The following IKBKB variants were observed in gnomAD, a reference collection of about 807,000 sequenced individuals.
The protein encoded by IKBKB is inhibitor of nuclear factor kappa B kinase subunit beta, also known as inhibitor of nuclear factor kappa-B kinase subunit beta.
In IKBKB, 42 loss-of-function variants were observed where a neutral mutation model predicts 113.6. That is an observed-to-expected ratio of 0.37 (90% confidence interval 0.29 to 0.48). The LOEUF (loss-of-function observed/expected upper bound fraction) is 0.48, where lower values mean the gene tolerates loss of function less well. Among genes scored for constraint, IKBKB ranks in the 20% least tolerant of loss-of-function variants. The pLI is 0.99. For missense variants in IKBKB, 673 were observed against 939.7 expected, an observed-to-expected ratio of 0.72 and a Z score of 3.71; for synonymous variants, 296 against 361.3, an observed-to-expected ratio of 0.82 and a Z score of 2.05.
chr8:42,291,652 G>C (rs988017073), intron 4 of IKBKB, among the ~76,000 whole-genome samples: 5 of 149,206 alleles, frequency 3.4e-5, no homozygotes, highest in Non-Finnish European at 5.9e-5. Context: ...AGGCCCTTGT[G>C]CCTCTTAAAA....
rs35638161 is a variant in IKBKB, at chr8:42,283,299, T to TC, written c.106-5328dup. ...GTTTCATTTATGATAGGTAGAATAA[T>TC]CCCCCCCAACCCCACCAAGAAATCT... On this transcript the variant is annotated intron_variant, in intron 2 of 21. Transcript: ENST00000520810. Among the ~76,000 whole-genome samples, 6 of 151,914 alleles carry TC rather than the reference T, an allele frequency of 3.9e-5. 1 individual carries two copies. The South Asian group carries it at 1.2e-3, about 32-fold the overall frequency.
At chr8:42,277,158 C>T (rs925464118) in intron 2 of IKBKB, among the ~76,000 whole-genome samples, 23 of 148,300 alleles carry the variant, frequency 1.6e-4, no homozygotes, top group African/African-American at 5.2e-4. Flanking sequence ...CGTGAGCCAC[C>T]GCACCCGGCC....
Position 42,293,462 on chromosome 8 carries a change from A to G in IKBKB, c.338A>G (p.Asn113Ser). ...TGACAGTACCTGAACCAGTTTGAGA[A>G]CTGCTGTGGTCTGCGGGAAGGTGCC... ...DLRKYLNQFE[N>S]CCGLREGAIL... The change falls in exon 5 of 22, where the codon AAC (asparagine) becomes AGC (serine). Residue 113 changes from asparagine (N) to serine (S), a missense_variant. By Grantham distance (46) the Asn-to-Ser change is conservative. Around this residue, in one of 2 missense-constraint regions of IKBKB, gnomAD observed 167 missense variants for 301.0 expected, o/e 0.55. Transcript: ENST00000520810. 1 of 1,614,138 alleles carries G rather than the reference A, an allele frequency of 6.2e-7. No individual in the cohort carries two copies. Among genetic ancestry groups the G allele is most frequent in the Non-Finnish European group, 8.5e-7 (1 of 1,180,024 alleles).
rs1408127519 is a variant in IKBKB, at chr8:42,316,181, C to CT, written c.801-28dup. 6.2e-7 allele frequency: 1 copy of CT among 1,610,648 alleles called. No individual in the cohort carries two copies. Among genetic ancestry groups the CT allele is most frequent in the South Asian group, 1.1e-5 (1 of 90,788 alleles). On this transcript the variant is annotated intron_variant, in intron 9 of 21. Transcript: ENST00000520810. This position sits in a 1 kb window ranked among gnomAD's most constrained non-coding sequence, Gnocchi z 4.5. ...GTAGCCCAACATTGGCTGGAAGTGT[C>CT]TCCTCACACACTATGCTCCTCTCCA... is the stretch of plus-strand genomic sequence containing the variant.
intron 2 of IKBKB, among the ~76,000 whole-genome samples, chr8:42,285,373 C>T (rs1438106530): frequency 6.9e-6 from 1 of 145,444 alleles, no homozygotes; most frequent in Non-Finnish European, 1.5e-5. Flanking sequence ...TAGTGAGACT[C>T]CGTCTCTACA....
intron 9 of IKBKB, among the ~76,000 whole-genome samples, chr8:42,315,635 C>G (rs768929768): frequency 6.6e-6 from 1 of 151,884 alleles, no homozygotes; most frequent in African/African-American, 2.4e-5. Context: ...TTTTTAAAAC[C>G]TCATGGGTTA....
chr8:42,293,223 G>A (rs551740439), intron 4 of IKBKB, among the ~76,000 whole-genome samples: 18 of 152,284 alleles, frequency 1.2e-4, no homozygotes, highest in African/African-American at 4.1e-4. Flanking sequence ...GTGAGGATGT[G>A]AGAGCCCTGG....
chr8:42,324,470 G>A (rs1287130091), intron 19 of IKBKB, among the ~76,000 whole-genome samples: 2 of 152,090 alleles, frequency 1.3e-5, no homozygotes, highest in South Asian at 4.2e-4. Context: ...TCACCATGTT[G>A]GCCAGGCTGG....
intron 2 of IKBKB, among the ~76,000 whole-genome samples, chr8:42,284,514 G>A (rs1245858111): frequency 2.6e-5 from 4 of 151,686 alleles, no homozygotes; most frequent in African/African-American, 4.8e-5. Flanking sequence ...CCCGGGAGGC[G>A]GAGCTTGCAG....
chr8:42,281,331 C>T (rs542031786), intron 2 of IKBKB, among the ~76,000 whole-genome samples: 45 of 152,282 alleles, frequency 3.0e-4, no homozygotes, highest in African/African-American at 1.0e-3. Flanking sequence ...TCCCTGTGGT[C>T]GGATGCTGTG....
Position 42,316,253 on chromosome 8 carries a change from A to G in IKBKB, c.844A>G (p.Met282Val). ...GGAGAAGTGGCTGCAACTGATGCTGATGTGGCACCCCCGACAGAGGGGCAC... is the reference window on the plus strand; with the variant it reads ...GGAGAAGTGGCTGCAACTGATGCTGGTGTGGCACCCCCGACAGAGGGGCAC... ...RLEKWLQLMLMWHPRQRGTDP... is the reference protein window; with the variant it reads ...RLEKWLQLMLVWHPRQRGTDP... Residue 282 changes from methionine to valine, a missense_variant, in exon 10 of 22, where the codon ATG becomes GTG. This residue lies in a region of IKBKB where 506 missense variants were observed against 638.7 expected (regional missense o/e 0.79). Coordinates refer to ENST00000520810, the MANE Select transcript of IKBKB (RefSeq NM_001556.3). The surrounding 1 kb of genome is among the most constrained non-coding windows in gnomAD (Gnocchi z 4.5). 6.2e-7 allele frequency: 1 copy of G among 1,614,128 alleles called. No individual in the cohort carries two copies. Among genetic ancestry groups the G allele is most frequent in the Middle Eastern group, 1.7e-4 (1 of 6,060 alleles).
Position 42,320,817 on chromosome 8 carries a change from G to T in IKBKB, c.1661G>T (p.Arg554Leu), listed in dbSNP as rs751295594. The T allele has an allele frequency of 6.2e-7, 1 of 1,602,414 alleles. No homozygotes were observed. The highest frequency in any genetic ancestry group is 8.5e-7 in the Non-Finnish European group (1 of 1,174,254). Residue 554 changes from arginine (R) to leucine (L), a missense_variant, in exon 16 of 22, where the codon CGG becomes CTG. Coordinates refer to ENST00000520810, the MANE Select transcript of IKBKB (RefSeq NM_001556.3). ...GACTTACAGAGGAGCCCCATGGGCC[G>T]GAAGCAGGGGGGAACGCTGGACGAC... ...IVDLQRSPMG[R>L]KQGGTLDDLE...
At chr8:42,295,418 C>CA (rs1312669845) in intron 5 of IKBKB, among the ~76,000 whole-genome samples, 1 of 152,174 alleles carries the variant, frequency 6.6e-6, no homozygotes, top group East Asian at 1.9e-4. Flanking sequence ...AGCACCTGGC[C>CA]AAAAGTCTTT....
chr8:42,314,223 T>A, intron 8 of IKBKB, 99 bp from the exon 9 acceptor site: 1 of 850,674 alleles, frequency 1.2e-6, no homozygotes, highest in Non-Finnish European at 2.0e-6. Flanking sequence ...GTTTGTGTTA[T>A]GTTCACACAA....
intron 21 of IKBKB, chr8:42,330,128 C>T: frequency 1.0e-6 from 1 of 985,344 alleles, no homozygotes; most frequent in Non-Finnish European, 1.2e-6. Flanking sequence ...GCTGGAAATC[C>T]ATAACTGAGA....
chr8:42,272,846 A>G (rs1179641809), intron 2 of IKBKB, among the ~76,000 whole-genome samples: 2 of 149,274 alleles, frequency 1.3e-5, no homozygotes, highest in South Asian at 2.2e-4. Context: ...AGGCTGAGGC[A>G]GGAGAATCGC....
At chr8:42,313,540 A>G (rs1818123489) in intron 8 of IKBKB, among the ~76,000 whole-genome samples, 3 of 152,200 alleles carry the variant, frequency 2.0e-5, no homozygotes, top group Admixed American at 2.0e-4. Context: ...AGCTGTGTAC[A>G]TTTAGAGGGA....
chr8:42,293,394 G>C (rs16891170), intron 4 of IKBKB, 49 bp from the exon 5 acceptor site: 1 of 1,611,492 alleles, frequency 6.2e-7, no homozygotes, highest in Non-Finnish European at 8.5e-7. Context: ...GTGGATTTCC[G>C]GTGGTTTGTG....
At chr8:42,296,279 C>G (rs535626469) in intron 5 of IKBKB, among the ~76,000 whole-genome samples, 1 of 151,746 alleles carries the variant, frequency 6.6e-6, no homozygotes, top group Non-Finnish European at 1.5e-5. Context: ...GACGGATCAC[C>G]TGAGGTCAGG....
Sources: allele counts gnomAD v4.1 joint callset (sites outside exome capture counted in the v4.1 genomes callset), GRCh38; gene constraint gnomAD v4.1.1; regional missense constraint gnomAD v4.1.1; non-coding constraint Gnocchi (gnomAD v3.1); transcripts MANE v1.5; gene names NCBI Gene and HGNC (gene_info 2026-07-23, HGNC 2026-07-21).